The following FGGY variants were observed in gnomAD, a reference collection of about 807,000 sequenced individuals.
FGGY encodes the protein FGGY carbohydrate kinase domain-containing protein.
In FGGY, 72 loss-of-function variants were observed where a neutral mutation model predicts 71.3. That is an observed-to-expected ratio of 1.01 (90% CI 0.84 to 1.23). The LOEUF (loss-of-function observed/expected upper bound fraction) is 1.23, where lower values mean the gene tolerates loss of function less well. Ranked by LOEUF, FGGY falls within the 50% of genes most tolerant of loss-of-function variation. The pLI, the probability that FGGY is intolerant of heterozygous loss-of-function variation, is 0.00. For synonymous variants in FGGY, 251 were observed against 250.3 expected, an observed-to-expected ratio of 1.00 and a Z score of -0.02; for missense variants, 668 against 682.3, an observed-to-expected ratio of 0.98 and a Z score of 0.23.
chr1:59,693,406 G>T (rs1267007786), intron 14 of FGGY, among the ~76,000 whole-genome samples: 1 of 152,212 alleles, frequency 6.6e-6, no homozygotes, highest in African/African-American at 2.4e-5. Flanking sequence ...GTAAAATGGA[G>T]GTGGCACTGG....
chr1:59,542,267 ATT>A (rs928580261), intron 7 of FGGY, among the ~76,000 whole-genome samples: 1 of 151,454 alleles, frequency 6.6e-6, no homozygotes, highest in Non-Finnish European at 1.5e-5. Context: ...CAGAGATTAC[ATT>A]TTTTTTCAAG....
rs1381113376 is a variant in FGGY, at chr1:59,638,230, G to A, written c.1076G>A (p.Cys359Tyr). 6.8e-6 allele frequency: 11 copies of A among 1,612,730 alleles called. No individual in the cohort carries two copies. The highest frequency in any genetic ancestry group is 9.3e-6 in the Non-Finnish European group (11 of 1,179,436). ...PELQVKATAR[C>Y]QSIYAYLNSH... ...AATAAAATTCACTTCTCTTCCAGATGCCAGAGTATATATGCATATTTGAAC... is the reference window on the plus strand; with the variant it reads ...AATAAAATTCACTTCTCTTCCAGATACCAGAGTATATATGCATATTTGAAC... The change falls in exon 11 of 16, where the codon TGC (cysteine) becomes TAC (tyrosine). Residue 359 changes from cysteine to tyrosine, a missense_variant and splice_region_variant. Physicochemically the swap from Cys to Tyr is radical, Grantham distance 194 (BLOSUM62 -2). Coordinates refer to ENST00000303721, the MANE Select transcript of FGGY (RefSeq NM_018291.5).
At chr1:59,710,936 A>G (rs1283284702) in intron 14 of FGGY, among the ~76,000 whole-genome samples, 2 of 152,210 alleles carry the variant, frequency 1.3e-5, no homozygotes, top group Non-Finnish European at 1.5e-5. Context: ...CAATCCCATT[A>G]CTAGATATAT....
At chr1:59,483,296 A>T (rs1448833303) in intron 6 of FGGY, among the ~76,000 whole-genome samples, 1 of 152,166 alleles carries the variant, frequency 6.6e-6, no homozygotes, top group Non-Finnish European at 1.5e-5. Context: ...TTATTAACTC[A>T]TTTGCCAGAC....
chr1:59,758,153 A>T (rs1434461017), intron 15 of FGGY, among the ~76,000 whole-genome samples, 161 bp downstream of exon 15: 1 of 152,208 alleles, frequency 6.6e-6, no homozygotes, highest in Non-Finnish European at 1.5e-5. Context: ...ACCTTCACTT[A>T]CCTAAGGCTG....
chr1:59,477,261 A>G (rs1329525478), intron 6 of FGGY, among the ~76,000 whole-genome samples: 1 of 151,972 alleles, frequency 6.6e-6, no homozygotes, highest in African/African-American at 2.4e-5. Flanking sequence ...CTTACCTCTG[A>G]CTTTGTAGCT....
chr1:59,660,374 C>CTCCAGCCTGGGTCACAGAGCGAG, intron 12 of FGGY, 81 bp downstream of exon 12: 1 of 999,602 alleles, frequency 1.0e-6, no homozygotes, highest in Non-Finnish European at 1.5e-6. Context: ...AGATACAGCA[C>CTCCAGCCTGGGTCACAGAGCGAG]ATGCTTTTGT....
intron 1 of FGGY, among the ~76,000 whole-genome samples, chr1:59,298,090 C>G (rs1357597416): frequency 6.6e-6 from 1 of 152,136 alleles, no homozygotes; most frequent in Non-Finnish European, 1.5e-5. Context: ...TAGAGTTTTG[C>G]TTTGTATAGT....
intron 14 of FGGY, among the ~76,000 whole-genome samples, chr1:59,721,337 G>GTTTTTGTTT (rs2097891651): frequency 9.5e-6 from 1 of 105,376 alleles, no homozygotes; most frequent in African/African-American, 4.2e-5. Context: ...TCTTTCCTTT[G>GTTTTTGTTT]TTTTTTTTTT....
intron 14 of FGGY, among the ~76,000 whole-genome samples, chr1:59,723,567 G>C (rs1284549407): frequency 8.0e-5 from 12 of 149,624 alleles, no homozygotes; most frequent in South Asian, 4.3e-4. Flanking sequence ...TTTTTTTGGG[G>C]GGGGGTGGTT....
chr1:59,580,891 A>G (rs1176301514), intron 8 of FGGY, among the ~76,000 whole-genome samples: 1 of 152,166 alleles, frequency 6.6e-6, no homozygotes, highest in African/African-American at 2.4e-5. Context: ...GACCTTTCCT[A>G]TGACTATAGA....
chr1:59,463,962 A>G (rs1224208484), intron 6 of FGGY, among the ~76,000 whole-genome samples: 1 of 152,226 alleles, frequency 6.6e-6, no homozygotes. Context: ...TCAACAAGAC[A>G]GAAGCTTAAC....
At chr1:59,652,176 G>T (rs1315847982) in intron 11 of FGGY, among the ~76,000 whole-genome samples, 1 of 151,742 alleles carries the variant, frequency 6.6e-6, no homozygotes, top group Non-Finnish European at 1.5e-5. Context: ...CTCTCTGGCT[G>T]CCCTTAACAT....
At position 59,362,924 on chromosome 1, in the gene FGGY, A is replaced by G. The variant is rs182170087; in HGVS notation, c.466-15825A>G. ...TAGTTGGCCACAAACCAGGACTGAC[A>G]GACCATTTTTTTGCAAAGTCAAGAA... On this transcript the variant is annotated intron_variant, in intron 4 of 15. Transcript: ENST00000303721. Among the ~76,000 whole-genome samples, 102 of 152,352 alleles carry G rather than the reference A, an allele frequency of 6.7e-4. 1 individual carries two copies. Among genetic ancestry groups the G allele is most frequent in the Non-Finnish European group, 1.2e-4 (8 of 68,028 alleles).
At chr1:59,347,523 A>G (rs1423714225) in intron 4 of FGGY, among the ~76,000 whole-genome samples, 3 of 152,072 alleles carry the variant, frequency 2.0e-5, no homozygotes, top group Non-Finnish European at 4.4e-5. Context: ...GTTGGTTCCA[A>G]GTCTTTGCTG....
At chr1:59,464,996 C>T (rs544975780) in intron 6 of FGGY, among the ~76,000 whole-genome samples, 1 of 152,198 alleles carries the variant, frequency 6.6e-6, no homozygotes, top group Non-Finnish European at 1.5e-5. Flanking sequence ...AGAGGGTATC[C>T]TCCCTAATTC....
chr1:59,399,526 G>C (rs1414223453), intron 5 of FGGY, among the ~76,000 whole-genome samples: 1 of 152,026 alleles, frequency 6.6e-6, no homozygotes, highest in African/African-American at 2.4e-5. Context: ...CTTGTTTTTG[G>C]TTACCTACTT....
intron 14 of FGGY, among the ~76,000 whole-genome samples, chr1:59,688,208 G>A (rs564648669): frequency 6.6e-6 from 1 of 152,296 alleles, no homozygotes; most frequent in South Asian, 2.1e-4. Context: ...CCTCTTTCTT[G>A]AGCCAGAGCC....
chr1:59,531,700 G>T (rs186462218), intron 7 of FGGY, among the ~76,000 whole-genome samples: 2 of 152,204 alleles, frequency 1.3e-5, no homozygotes, highest in East Asian at 3.8e-4. Context: ...TGGGCAGTCT[G>T]CAGGCTGGAA....
Sources: gnomAD v4.1 joint callset for allele counts (sites outside exome capture counted in the v4.1 genomes callset) on GRCh38, gnomAD v4.1.1 for gene constraint, MANE v1.5 for transcripts, NCBI Gene and HGNC (gene_info 2026-07-23, HGNC 2026-07-21) for gene names.